The following PRRT4 variants were observed in gnomAD, a reference collection of about 807,000 sequenced individuals.
PRRT4 encodes the protein proline-rich transmembrane protein 4.
A neutral mutation model predicts 55.6 loss-of-function variants in PRRT4; 59 were observed. The observed-to-expected ratio is 1.06, with a 90% CI of 0.86 to 1.32. The LOEUF (loss-of-function observed/expected upper bound fraction) is 1.32. PRRT4 is among the 40% of genes most tolerant of loss of function. The probability of loss-of-function intolerance (pLI) is 0.00; values close to 1 mark genes in which losing one functional copy is unlikely to be tolerated. For missense variants in PRRT4, 1,217 were observed against 1,222.0 expected, an observed-to-expected ratio of 1.00 and a Z score of 0.06; for synonymous variants, 606 against 601.8, an observed-to-expected ratio of 1.01 and a Z score of -0.10.
intron 4 of PRRT4, among the ~76,000 whole-genome samples, chr7:128,356,167 G>A (rs1797108065): frequency 6.6e-6 from 1 of 152,124 alleles, no homozygotes; most frequent in Admixed American, 6.6e-5. Flanking sequence ...GCTGAGGCAG[G>A]AGAATCGCTT....
intron 3 of PRRT4, 141 bp downstream of exon 4, chr7:128,359,008 G>A (rs1464624660): frequency 2.3e-5 from 27 of 1,167,516 alleles, no homozygotes; most frequent in South Asian, 9.8e-5. Flanking sequence ...TACTCCTTCC[G>A]TGGAAGTAGT....
exon 5 of PRRT4, chr7:128,351,405 G>C (rs1288279840): frequency 6.5e-7 from 1 of 1,539,154 alleles, no homozygotes; most frequent in Non-Finnish European, 8.8e-7. Flanking sequence ...GGAAGTCCAC[G>C]GTGTAATCGC....
At chr7:128,352,715 C>A in intron 4 of PRRT4, 37 bp from the exon 6 acceptor site, 1 of 1,480,264 alleles carries the variant, frequency 6.8e-7, no homozygotes, top group South Asian at 1.3e-5. Context: ...GGCAATGATG[C>A]AGCCCTCCCC....
exon 5 of PRRT4, chr7:128,352,053 C>T (rs574678985): frequency 1.6e-6 from 2 of 1,246,718 alleles, no homozygotes; most frequent in Non-Finnish European, 1.0e-6. Flanking sequence ...GAAAGGCGTG[C>T]AGCCCGCGCG....
intron 4 of PRRT4, among the ~76,000 whole-genome samples, chr7:128,354,015 GC>G (rs1311651113): frequency 6.6e-6 from 1 of 152,208 alleles, no homozygotes; most frequent in Non-Finnish European, 1.5e-5. Flanking sequence ...ACCTCTATCT[GC>G]CCTCACCTAC....
chr7:128,359,278 C>A, intron 2 of PRRT4, 25 bp from the exon 4 acceptor site: 1 of 1,544,816 alleles, frequency 6.5e-7, no homozygotes, highest in Non-Finnish European at 8.7e-7. Flanking sequence ...CAGGCTGAAG[C>A]TGCCTCCTAC....
intron 4 of PRRT4, among the ~76,000 whole-genome samples, chr7:128,354,023 C>G (rs569580540): frequency 2.0e-5 from 3 of 152,184 alleles, no homozygotes; most frequent in Non-Finnish European, 4.4e-5. Context: ...CTGCCCTCAC[C>G]TACAGATTCA....
chr7:128,357,468 C>A (rs1797139535), intron 4 of PRRT4, among the ~76,000 whole-genome samples: 1 of 152,150 alleles, frequency 6.6e-6, no homozygotes, highest in African/African-American at 2.4e-5. Context: ...AGCGCTGTCA[C>A]CAAGGCCGAC....
At chr7:128,350,672 G>T (rs536408402), downstream of PRRT4, 3 of 896,632 alleles carry the variant, frequency 3.3e-6, no homozygotes, top group Non-Finnish European at 4.9e-6. Context: ...CAGAGAAGGT[G>T]GCACTGATTC....
exon 5 of PRRT4, chr7:128,350,917 A>C: frequency 6.4e-7 from 1 of 1,550,816 alleles, no homozygotes; most frequent in African/African-American, 1.4e-5. Context: ...GGCGTCCAGG[A>C]ACTGCTCCTG....
exon 2 of PRRT4, chr7:128,359,890 G>A: frequency 6.8e-7 from 1 of 1,464,838 alleles, no homozygotes; most frequent in South Asian, 1.4e-5. Flanking sequence ...TCAAAGTGGT[G>A]GCAGGGGCAC....
At chr7:128,360,958 C>T (rs1391593631) in intron 1 of PRRT4, among the ~76,000 whole-genome samples, 1 of 151,896 alleles carries the variant, frequency 6.6e-6, no homozygotes, top group African/African-American at 2.4e-5. Context: ...TCACCCGTCA[C>T]ATACCCCCCT....
At chr7:128,359,295 G>A in intron 2 of PRRT4, 42 bp from the exon 4 acceptor site, 1 of 1,534,226 alleles carries the variant, frequency 6.5e-7, no homozygotes, top group Non-Finnish European at 8.8e-7. Context: ...CTACCTGCCA[G>A]GGGTGCCCAG....
chr7:128,357,382 G>A (rs1034267523), intron 4 of PRRT4, among the ~76,000 whole-genome samples: 1 of 152,100 alleles, frequency 6.6e-6, no homozygotes, highest in Admixed American at 6.6e-5. Context: ...GGGAGGAGGG[G>A]GAATGAGGTG....
chr7:128,360,739 G>C (rs1797230295), intron 1 of PRRT4, among the ~76,000 whole-genome samples: 1 of 151,994 alleles, frequency 6.6e-6, no homozygotes, highest in Admixed American at 6.5e-5. Context: ...GGGAGGGGCA[G>C]CTTGGCGATC....
exon 2 of PRRT4, chr7:128,359,737 T>C: frequency 6.4e-7 from 1 of 1,551,458 alleles, no homozygotes; most frequent in Non-Finnish European, 8.7e-7. Context: ...CCTCTTCCCC[T>C]GGCTCCTGGC....
exon 5 of PRRT4, chr7:128,351,299 C>T (rs1303109208): frequency 2.6e-6 from 4 of 1,543,336 alleles, no homozygotes; most frequent in Non-Finnish European, 2.6e-6. Flanking sequence ...AGAGCGTCCT[C>T]GAAGGCAGGG....
At chr7:128,350,841 A>G (rs755607125), downstream of PRRT4, 55 of 1,549,308 alleles carry the variant, frequency 3.5e-5, no homozygotes, top group Non-Finnish European at 4.4e-5. Flanking sequence ...GCAGGGTAGC[A>G]AGGTGGCCAC....
chr7:128,351,451 G>C lies in PRRT4; in HGVS notation c.2105C>G (p.Ala702Gly), dbSNP rs747205837. The C allele has an allele frequency of 4.5e-5, 69 of 1,522,660 alleles. No homozygotes were observed. The highest frequency in any genetic ancestry group is 6.0e-5 in the Non-Finnish European group (68 of 1,134,060). 94.3% of individuals were successfully genotyped at this position (1,522,660 alleles called of 1,614,324 possible). ...GGAAGCCGGGGACGGGGCCGGGTTG[G>C]CCGCCGCGCCTTCGAAGCCCCGGCA... is the stretch of plus-strand genomic sequence containing the variant. The change falls in exon 5 of 5, where the codon GCC (alanine) becomes GGC (glycine). Residue 702 changes from alanine to glycine, a missense_variant. Transcript: ENST00000535159.
Sources: allele counts gnomAD v4.1 joint callset (sites outside exome capture counted in the v4.1 genomes callset), GRCh38; gene constraint gnomAD v4.1.1; transcripts MANE v1.5; gene names NCBI Gene and HGNC (gene_info 2026-07-23, HGNC 2026-07-21).